Variants in PLCXD1 observed in about 807,000 individuals in gnomAD.
PLCXD1 encodes the protein phosphatidylinositol specific phospholipase C X domain containing 1.
Under a neutral mutation model 37.8 loss-of-function variants are expected in PLCXD1, and 45 were observed. The ratio of observed to expected loss-of-function variants is 1.19; its 90% CI spans 0.94 to 1.53. The LOEUF is 1.53. Ranked by LOEUF, PLCXD1 falls within the 40% of genes most tolerant of loss-of-function variation. PLCXD1 has a pLI of 0.00. For synonymous variants in PLCXD1, 246 were observed against 206.9 expected, an observed-to-expected ratio of 1.19 and a Z score of -1.62; for missense variants, 539 against 454.7, an observed-to-expected ratio of 1.19 and a Z score of -1.69.
intron 5 of PLCXD1, 63 bp downstream of exon 5, chrX:291,717 C>A: frequency 6.5e-7 from 1 of 1,547,366 alleles, no homozygotes; most frequent in Non-Finnish European, 8.9e-7. Context: ...GCCTCAGACT[C>A]CATTTGCTGT....
At chrX:293,655 A>G (rs1182146353) in intron 6 of PLCXD1, among the ~76,000 whole-genome samples, 6 of 152,208 alleles carry the variant, frequency 3.9e-5, no homozygotes, top group Non-Finnish European at 7.3e-5. Context: ...GGGATCAACA[A>G]GGTGTGGTCC....
intron 6 of PLCXD1, among the ~76,000 whole-genome samples, chrX:294,430 C>G (rs1399438666): frequency 6.7e-6 from 1 of 150,316 alleles, no homozygotes; most frequent in Non-Finnish European, 1.5e-5. Context: ...TGCAGTGAGC[C>G]GAGATCACGC....
chrX:288,022 T>TG (rs2069512338), intron 2 of PLCXD1, among the ~76,000 whole-genome samples: 1 of 152,022 alleles, frequency 6.6e-6, no homozygotes, highest in African/African-American at 2.4e-5. Flanking sequence ...TCCCAGCTCC[T>TG]GGGGGCTCCA....
chrX:290,248 A>G (rs1271815893), intron 3 of PLCXD1, among the ~76,000 whole-genome samples: 1 of 152,020 alleles, frequency 6.6e-6, no homozygotes. Flanking sequence ...TAACATGTTG[A>G]AACCACATCT....
Position 289,200 on chromosome X carries a change from G to A in PLCXD1, c.264+331G>A, listed in dbSNP as rs147226507. On this transcript the variant is annotated intron_variant, in intron 3 of 6. Transcript: ENST00000381657. ...CTGCCTGGGTTCAAGCGATTCTCCT[G>A]CCTCATCCTCCTAAGTACCTGGGTC... Among the ~76,000 whole-genome samples, 984 of 152,202 alleles carry A rather than the reference G, an allele frequency of 6.5e-3. 8 individuals are homozygous for A. The highest frequency in any genetic ancestry group is 0.022 in the African/African-American group (930 of 41,530).
intron 1 of PLCXD1, among the ~76,000 whole-genome samples, chrX:282,703 CAAA>C (rs34034222): frequency 8.2e-5 from 9 of 109,488 alleles, no homozygotes; most frequent in Admixed American, 1.1e-4. Flanking sequence ...GAAACTGTGT[CAAA>C]AAAAAAAAAA....
rs772276310 is a variant in PLCXD1, at chrX:293,047, C to G, written c.562C>G (p.Leu188Val). The change falls in exon 6 of 7, where the codon CTG (leucine) becomes GTG (valine). Residue 188 changes from leucine to valine, a missense_variant. Transcript: ENST00000381657. ...MLCPRGEVPT[L>V]RQLWSRGQQV... ...TGGTCCTTTGCAGGAGGTGCCGACA[C>G]TGCGGCAGCTGTGGTCCCGGGGCCA... 1 of 1,607,670 alleles carries G rather than the reference C, an allele frequency of 6.2e-7. No individual in the cohort carries two copies. Among genetic ancestry groups the G allele is most frequent in the Non-Finnish European group, 8.5e-7 (1 of 1,176,960 alleles).
At position 281,662 on chromosome X, in the gene PLCXD1, T is replaced by TC. The variant is rs2069280665; in HGVS notation, c.-39dup. The TC allele has an allele frequency of 6.6e-6, 1 of 151,996 alleles. No individual in the cohort carries two copies. Among genetic ancestry groups the TC allele is most frequent in the South Asian group, 2.1e-4 (1 of 4,816 alleles). 9.4% of individuals were successfully genotyped at this position (151,996 alleles called of 1,614,324 possible). ...GAGACCAACAATTCGAATTCCGAACTCCCCCTGCGTGTGGGACTCAAGGTG... is the reference window on the plus strand; with the variant it reads ...GAGACCAACAATTCGAATTCCGAACTCCCCCCTGCGTGTGGGACTCAAGGTG... On this transcript the variant is annotated 5_prime_UTR_variant, in exon 1 of 7. Transcript: ENST00000381657.
intron 5 of PLCXD1, among the ~76,000 whole-genome samples, chrX:292,522 A>G (rs2069670322): frequency 6.6e-6 from 1 of 152,132 alleles, no homozygotes; most frequent in African/African-American, 2.4e-5. Flanking sequence ...TGTGCAGCCC[A>G]GGCTCGAATT....
upstream of PLCXD1, among the ~76,000 whole-genome samples, chrX:278,556 A>T (rs2069198684): frequency 2.0e-5 from 3 of 151,980 alleles, no homozygotes; most frequent in Admixed American, 6.6e-5. Context: ...CTGACCAACA[A>T]GGTGAAACCC....
rs750674416 is a variant in PLCXD1, at chrX:299,359, C to A, written c.*24C>A. On this transcript the variant is annotated 3_prime_UTR_variant, in exon 7 of 7. Transcript: ENST00000381657. ...GACGGGACCCTTCTGAAGTTCGGGA[C>A]GCGGCGGCTGCAGTTTCACCCCCGA... 1.9e-6 allele frequency: 3 copies of A among 1,540,386 alleles called. No homozygotes were observed. Among genetic ancestry groups the A allele is most frequent in the Non-Finnish European group, 2.7e-6 (3 of 1,113,368 alleles).
Position 299,638 on chromosome X carries a change from TC to T in PLCXD1, c.*306del, listed in dbSNP as rs1397089554. 2.0e-6 allele frequency: 1 copy of T among 490,138 alleles called. No individual in the cohort carries two copies. Among genetic ancestry groups the T allele is most frequent in the Non-Finnish European group, 3.7e-6 (1 of 272,760 alleles). 30.4% of individuals were successfully genotyped at this position (490,138 alleles called of 1,614,324 possible). The stretch of plus-strand genomic sequence containing the variant: ...CTGGGTGTGTGGCAGGCGCCTGTAG[TC>T]CCAGTTACTCGGGAGGCTCAGGCAG... On this transcript the variant is annotated 3_prime_UTR_variant, in exon 7 of 7. Coordinates refer to ENST00000381657, the MANE Select transcript of PLCXD1 (RefSeq NM_018390.4).
chrX:295,546 T>C (rs1248133820), intron 6 of PLCXD1, among the ~76,000 whole-genome samples: 3 of 148,016 alleles, frequency 2.0e-5, no homozygotes, highest in East Asian at 3.9e-4. Flanking sequence ...TTTTTTGAGG[T>C]GGAGTCTCAC....
intron 6 of PLCXD1, among the ~76,000 whole-genome samples, chrX:296,309 G>C (rs184252659): frequency 3.8e-4 from 58 of 152,102 alleles, no homozygotes; most frequent in African/African-American, 1.3e-3. Flanking sequence ...GTTTTTACTA[G>C]AGAAAGGGTT....
intron 2 of PLCXD1, among the ~76,000 whole-genome samples, chrX:288,195 GA>G (rs1281124166): frequency 6.6e-6 from 1 of 152,024 alleles, no homozygotes; most frequent in Non-Finnish European, 1.5e-5. Context: ...CATGTGTAAA[GA>G]CCCTATTTCC....
intron 3 of PLCXD1, among the ~76,000 whole-genome samples, chrX:289,152 A>T (rs1270878435): frequency 6.6e-6 from 1 of 151,878 alleles, no homozygotes; most frequent in Non-Finnish European, 1.5e-5. Context: ...CAGTGGCGTG[A>T]TCTCGGCTCA....
In PLCXD1 at chrX:284,213, A is replaced by G. The variant is rs1359487395; in HGVS notation, c.26A>G (p.Asn9Ser). 3 of 1,613,426 alleles carry G rather than the reference A, an allele frequency of 1.9e-6. No individual in the cohort carries two copies. Among genetic ancestry groups the G allele is most frequent in the Non-Finnish European group, 8.5e-7 (1 of 1,179,814 alleles). Residue 9 changes from asparagine to serine, a missense_variant, in exon 2 of 7, where the codon AAC (asparagine) becomes AGC (serine). Physicochemically the swap from Asn to Ser is conservative, Grantham distance 46. Transcript: ENST00000381657. MGGQVSAS[N>S]SFSRLHCRNA... The stretch of plus-strand genomic sequence containing the variant: ...ATGGGTGGGCAGGTGAGCGCTTCCA[A>G]CAGCTTCTCGAGGCTGCACTGCAGA...
intron 4 of PLCXD1, 79 bp from the exon 5 acceptor site, chrX:291,420 A>G: frequency 6.6e-7 from 1 of 1,524,096 alleles, no homozygotes. Context: ...TGCTGGGATG[A>G]CAGGCGTGAG....
chrX:296,178 T>G (rs1312128153), intron 6 of PLCXD1, among the ~76,000 whole-genome samples: 1 of 151,846 alleles, frequency 6.6e-6, no homozygotes, highest in African/African-American at 2.4e-5. Flanking sequence ...TGGAGTGCAA[T>G]GGCGTGATCT....
Sources: gnomAD v4.1 joint callset for allele counts (sites outside exome capture counted in the v4.1 genomes callset) on GRCh38, gnomAD v4.1.1 for gene constraint, MANE v1.5 for transcripts, NCBI Gene and HGNC (gene_info 2026-07-23, HGNC 2026-07-21) for gene names.